Variants in MYH14 observed in about 807,000 individuals in gnomAD.
MYH14 encodes myosin heavy chain 14.
MYH14 carries 123 observed loss-of-function variants against 255.5 expected under a neutral mutation model. The ratio of observed to expected loss-of-function variants is 0.48; its 90% CI spans 0.42 to 0.56. The LOEUF is 0.56. Ranked by LOEUF, MYH14 falls within the 20% of genes least tolerant of loss-of-function variation. The pLI is 0.00. For missense variants in MYH14, 2,423 were observed against 2,802.3 expected, an observed-to-expected ratio of 0.86 and a Z score of 3.06; for synonymous variants, 1,095 against 1,161.2, an observed-to-expected ratio of 0.94 and a Z score of 1.16.
intron 17 of MYH14, among the ~76,000 whole-genome samples, chr19:50,256,114 C>T (rs1438078690): frequency 6.6e-6 from 1 of 151,736 alleles, no homozygotes; most frequent in South Asian, 2.1e-4. Flanking sequence ...CCCGTCTCTA[C>T]AAAATAAATT....
At chr19:50,249,170 A>G in intron 13 of MYH14, 31 bp downstream of exon 13, 1 of 1,541,696 alleles carries the variant, frequency 6.5e-7, no homozygotes. Context: ...GGGGATGCCA[A>G]CTTCCTCACT....
At chr19:50,271,173 C>T (rs2035285808) in intron 24 of MYH14, among the ~76,000 whole-genome samples, 1 of 152,124 alleles carries the variant, frequency 6.6e-6, no homozygotes, top group Admixed American at 6.6e-5. Context: ...TACCCATCCT[C>T]AGTGCCTAGA....
chr19:50,215,983 T>C (rs997540000), intron 2 of MYH14, among the ~76,000 whole-genome samples: 19 of 152,208 alleles, frequency 1.2e-4, no homozygotes, highest in African/African-American at 4.6e-4. Context: ...CCAGAGTAGC[T>C]AACTAGCTAA....
At chr19:50,237,623 C>G (rs1052807685) in intron 10 of MYH14, among the ~76,000 whole-genome samples, 1 of 152,170 alleles carries the variant, frequency 6.6e-6, no homozygotes, top group Non-Finnish European at 1.5e-5. Context: ...CCACCGCACC[C>G]GGCCATGAGC....
chr19:50,244,104 C>T (rs1343509661), intron 10 of MYH14, 138 bp from the exon 11 acceptor site: 1 of 701,494 alleles, frequency 1.4e-6, no homozygotes, highest in South Asian at 1.7e-5. Context: ...CTATCACGCC[C>T]ATCCCACAAG....
intron 11 of MYH14, among the ~76,000 whole-genome samples, chr19:50,244,850 G>A (rs369573562): frequency 1.3e-5 from 2 of 151,986 alleles, no homozygotes; most frequent in African/African-American, 2.4e-5. Context: ...TTCTAAAAGC[G>A]TGAGCTCTGC....
intron 40 of MYH14, among the ~76,000 whole-genome samples, chr19:50,303,033 C>T (rs560525051): frequency 2.2e-4 from 33 of 152,330 alleles, no homozygotes; most frequent in African/African-American, 7.0e-4. Flanking sequence ...AGTCTCACTA[C>T]GAGTATTATT....
rs1286640897 is a variant in MYH14, at chr19:50,280,244, A to G, written c.4151A>G (p.Glu1384Gly). The G allele has an allele frequency of 2.6e-6, 4 of 1,551,764 alleles. No homozygotes were observed. The African/African-American group carries it at 4.1e-5, about 16-fold the overall frequency. Reference protein sequence around the residue: ...QLHDAQELLQEETRAKLALGS... With the variant: ...QLHDAQELLQGETRAKLALGS... ...CTCCATCTACAGGAGCTGCTGCAGGAGGAGACCAGGGCGAAATTGGCCTTG... is the reference window on the plus strand; with the variant it reads ...CTCCATCTACAGGAGCTGCTGCAGGGGGAGACCAGGGCGAAATTGGCCTTG... Residue 1384 changes from glutamate (E) to glycine (G), a missense_variant, in exon 32 of 43, where the codon GAG (glutamate) becomes GGG (glycine). Physicochemically the swap from Glu to Gly is moderately conservative, Grantham distance 98. Coordinates refer to ENST00000642316, the MANE Select transcript of MYH14 (RefSeq NM_001145809.2). This position sits in a 1 kb window ranked among gnomAD's most constrained non-coding sequence, Gnocchi z 4.8.
chr19:50,249,454 T>TCTCTGTCCCCTGTCTCTGG, intron 13 of MYH14, 196 bp from the exon 14 acceptor site: 1 of 642,190 alleles, frequency 1.6e-6, no homozygotes. Flanking sequence ...TGTCTCTGGG[T>TCTCTGTCCCCTGTCTCTGG]CTCTGTCCCC....
intron 10 of MYH14, among the ~76,000 whole-genome samples, chr19:50,235,406 G>A (rs1216622235): frequency 2.8e-5 from 4 of 141,760 alleles, no homozygotes; most frequent in African/African-American, 1.0e-4. Context: ...TGGCCCCCCA[G>A]CTCCCTACCC....
chr19:50,207,251 GAGAGAAAGAGAGAGAGAGAC>G (rs1180342700), intron 1 of MYH14, among the ~76,000 whole-genome samples: 1 of 128,868 alleles, frequency 7.8e-6, no homozygotes, highest in East Asian at 3.1e-4. Flanking sequence ...GAGAGAGAGA[GAGAGAAAGAGAGAGAGAGAC>G]AGAGAGAGAG....
chr19:50,249,150 G>T lies in MYH14; in HGVS notation c.1482+11G>T. The T allele has an allele frequency of 6.4e-7, 1 of 1,562,560 alleles. No individual in the cohort carries two copies. The highest frequency in any genetic ancestry group is 8.7e-7 in the Non-Finnish European group (1 of 1,152,144). ...TTTGAGATCTTCCAGGTCCACCCTTGTGCTGGGAGGGGGATGCCAACTTCC... is the reference window on the plus strand; with the variant it reads ...TTTGAGATCTTCCAGGTCCACCCTTTTGCTGGGAGGGGGATGCCAACTTCC... On this transcript the variant is annotated intron_variant, in intron 13 of 42. Coordinates refer to ENST00000642316, the MANE Select transcript of MYH14 (RefSeq NM_001145809.2).
intron 30 of MYH14, among the ~76,000 whole-genome samples, chr19:50,278,574 T>C (rs2035597536): frequency 6.6e-6 from 1 of 151,788 alleles, no homozygotes; most frequent in South Asian, 2.1e-4. Flanking sequence ...TATGCTGGCA[T>C]GTGCCTGTAG....
intron 10 of MYH14, among the ~76,000 whole-genome samples, chr19:50,239,979 GC>G (rs1600915504): frequency 6.6e-6 from 1 of 152,098 alleles, no homozygotes; most frequent in Admixed American, 6.6e-5. Context: ...GCACCCAGGA[GC>G]CCCCCATGTC....
intron 33 of MYH14, chr19:50,285,533 A>G (rs1364172669): frequency 1.3e-5 from 2 of 152,208 alleles, no homozygotes; most frequent in Non-Finnish European, 2.9e-5. Flanking sequence ...GATTGCTAGT[A>G]TATAGAAACA....
At chr19:50,208,920 AAG>A (rs1186769836) in intron 1 of MYH14, among the ~76,000 whole-genome samples, 9 of 151,948 alleles carry the variant, frequency 5.9e-5, no homozygotes, top group Non-Finnish European at 1.3e-4. Flanking sequence ...TTGGGGAGCC[AAG>A]GCAGGAGGAT....
In MYH14 at chr19:50,268,236, CG is replaced by C; in HGVS notation, c.2907del (p.Arg970GlyfsTer44). The C allele has an allele frequency of 6.4e-7, 1 of 1,564,926 alleles. No individual in the cohort carries two copies. Among genetic ancestry groups the C allele is most frequent in the Non-Finnish European group, 8.7e-7 (1 of 1,155,458 alleles). ...ACTGTGTGCAGAGGCCGAGGAGACG[CG>C]GGGGAGGCTGGCAGCCCGCAAGCAG... ...AELCAEAEET[R>X]GRLAARKQEL... On this transcript the variant is annotated frameshift_variant, in exon 24 of 43. Transcript: ENST00000642316. LOFTEE classifies it high-confidence loss of function.
chr19:50,234,386 G>T (rs1293275902), intron 10 of MYH14, among the ~76,000 whole-genome samples: 3 of 152,180 alleles, frequency 2.0e-5, no homozygotes, highest in African/African-American at 4.8e-5. Flanking sequence ...TCTGGGCTGA[G>T]CCAGGGCCGC....
Position 50,249,641 on chromosome 19 carries a change from T to C in MYH14, c.1483-9T>C, listed in dbSNP as rs2034286505. On this transcript the variant is annotated splice_polypyrimidine_tract_variant and intron_variant, in intron 13 of 42. Transcript: ENST00000642316. ...ATCCTCCCAGCTCACGTGTCCTGCG[T>C]CCCTGCAGCTGAACTCCTTCGAGCA... The C allele has an allele frequency of 6.2e-7, 1 of 1,613,954 alleles. No individual in the cohort carries two copies. Among genetic ancestry groups the C allele is most frequent in the African/African-American group, 1.3e-5 (1 of 74,922 alleles).
Sources: gnomAD v4.1 joint callset for allele counts (sites outside exome capture counted in the v4.1 genomes callset) on GRCh38, gnomAD v4.1.1 for gene constraint, Gnocchi (gnomAD v3.1) non-coding constraint, MANE v1.5 for transcripts, NCBI Gene and HGNC (gene_info 2026-07-23, HGNC 2026-07-21) for gene names.